SLC39A10: variants seen among roughly 807,000 people sequenced by gnomAD.
SLC39A10 encodes zinc transporter ZIP10.
Under a neutral mutation model 65.1 loss-of-function variants are expected in SLC39A10, and 13 were observed. That is an observed-to-expected ratio of 0.20 (90% CI 0.13 to 0.32). SLC39A10 has a LOEUF of 0.32. Among genes scored for constraint, SLC39A10 ranks in the 10% least tolerant of loss-of-function variants. The pLI, the probability that SLC39A10 is intolerant of heterozygous loss-of-function variation, is 1.00. For missense variants in SLC39A10, 831 were observed against 1,018.4 expected, an observed-to-expected ratio of 0.82 and a Z score of 2.50; for synonymous variants, 321 against 342.2, an observed-to-expected ratio of 0.94 and a Z score of 0.68.
At chr2:195,666,293 G>A (rs772451205) in intron 1 of SLC39A10, among the ~76,000 whole-genome samples, 3 of 152,122 alleles carry the variant, frequency 2.0e-5, no homozygotes, top group East Asian at 1.9e-4. Flanking sequence ...TTCCCATGAC[G>A]TCATGGAAAA....
At chr2:195,718,700 T>C (rs1691907184) in intron 8 of SLC39A10, among the ~76,000 whole-genome samples, 1 of 152,184 alleles carries the variant, frequency 6.6e-6, no homozygotes, top group African/African-American at 2.4e-5. Flanking sequence ...TTTAAAAGAA[T>C]CAGGGTAAAG....
chr2:195,693,978 C>T (rs1690843618), intron 3 of SLC39A10, among the ~76,000 whole-genome samples: 1 of 152,132 alleles, frequency 6.6e-6, no homozygotes, highest in Admixed American at 6.5e-5. Context: ...TGCTGTATCT[C>T]AGAAGTTTTG....
At chr2:195,641,174 A>C (rs1293285397) in intron 2 of SLC39A10, among the ~76,000 whole-genome samples, 1 of 152,216 alleles carries the variant, frequency 6.6e-6, no homozygotes, top group Non-Finnish European at 1.5e-5. Context: ...ATACATGTGT[A>C]AGTGTATAGG....
chr2:195,689,863 C>T (rs1178114460), intron 3 of SLC39A10, among the ~76,000 whole-genome samples: 1 of 152,158 alleles, frequency 6.6e-6, no homozygotes, highest in African/African-American at 2.4e-5. Context: ...CCTCAAGGTT[C>T]ATCCATGTTG....
At chr2:195,683,669 AT>A in intron 2 of SLC39A10, 29 bp from the exon 3 acceptor site, 1 of 1,557,462 alleles carries the variant, frequency 6.4e-7, no homozygotes, top group South Asian at 1.1e-5. Flanking sequence ...AGACACTCTT[AT>A]TTAATTTGTT....
At chr2:195,661,049 A>C (rs1220924152) in intron 1 of SLC39A10, among the ~76,000 whole-genome samples, 2 of 152,268 alleles carry the variant, frequency 1.3e-5, no homozygotes, top group East Asian at 3.9e-4. Flanking sequence ...TTTTATGTGA[A>C]TACTATAATG....
intron 8 of SLC39A10, among the ~76,000 whole-genome samples, chr2:195,724,891 A>T (rs1692179920): frequency 1.3e-5 from 2 of 152,140 alleles, no homozygotes; most frequent in African/African-American, 4.8e-5. Context: ...GATTTACTAT[A>T]AAGCCACCGT....
intron 5 of SLC39A10, 56 bp downstream of exon 5, chr2:195,708,900 C>A: frequency 7.7e-7 from 1 of 1,301,430 alleles, no homozygotes; most frequent in Non-Finnish European, 1.1e-6. Context: ...CAAAAATTAT[C>A]CTTTTCTGGG....
intron 2 of SLC39A10, among the ~76,000 whole-genome samples, chr2:195,623,901 C>CCA (rs67959883): frequency 0.056 from 7,943 of 142,890 alleles, 263 homozygotes; most frequent in African/African-American, 0.096. Context: ...AAACAAAAAA[C>CCA]CACACACACA....
At chr2:195,688,221 C>A (rs1690598785) in intron 3 of SLC39A10, among the ~76,000 whole-genome samples, 1 of 151,876 alleles carries the variant, frequency 6.6e-6, no homozygotes, top group African/African-American at 2.4e-5. Context: ...TTAAAAGATA[C>A]CTTTTGTTTA....
At chr2:195,631,616 A>T (rs1688587242) in intron 2 of SLC39A10, among the ~76,000 whole-genome samples, 1 of 152,198 alleles carries the variant, frequency 6.6e-6, no homozygotes, top group Non-Finnish European at 1.5e-5. Flanking sequence ...AAGTATTGGC[A>T]TTTACGCAAG....
chr2:195,730,490 C>T (rs375639282), intron 9 of SLC39A10, among the ~76,000 whole-genome samples: 34 of 152,316 alleles, frequency 2.2e-4, no homozygotes, highest in African/African-American at 7.9e-4. Flanking sequence ...CCATCACGCC[C>T]AGTCTTTTGT....
chr2:195,713,517 C>G lies in SLC39A10; in HGVS notation c.1660C>G (p.Pro554Ala). The G allele has an allele frequency of 6.3e-7, 1 of 1,581,182 alleles. No homozygotes were observed. The highest frequency in any genetic ancestry group is 8.5e-7 in the Non-Finnish European group (1 of 1,170,926). ...TTCAGATCACAAGTTAAACAATACA[C>G]CAGATTCTGACTGGCTTCAACTCAA... ...KLSDHKLNNT[P>A]DSDWLQLKPL... Residue 554 changes from proline to alanine, a missense_variant, in exon 6 of 10, where the codon CCA becomes GCA. Coordinates refer to ENST00000359634, the MANE Select transcript of SLC39A10 (RefSeq NM_020342.3).
In SLC39A10 at chr2:195,736,944, C is replaced by T. The variant is rs981121072; in HGVS notation, c.*1903C>T. 2 of 152,484 alleles carry T rather than the reference C, an allele frequency of 1.3e-5. No individual in the cohort carries two copies. The highest frequency in any genetic ancestry group is 4.8e-5 in the African/African-American group (2 of 41,388). 9.4% of individuals were successfully genotyped at this position (152,484 alleles called of 1,614,324 possible). On this transcript the variant is annotated 3_prime_UTR_variant, in exon 10 of 10. Coordinates refer to ENST00000359634, the MANE Select transcript of SLC39A10 (RefSeq NM_020342.3). ...TAGTTCACTTTTGGGTTTTTATACC[C>T]ACGGTAGGATTCTGCATTCCAGCAT... is the stretch of plus-strand genomic sequence containing the variant.
At chr2:195,642,123 T>C (rs556667187) in intron 2 of SLC39A10, among the ~76,000 whole-genome samples, 3 of 152,222 alleles carry the variant, frequency 2.0e-5, no homozygotes, top group Non-Finnish European at 4.4e-5. Flanking sequence ...GAAAGGTCTA[T>C]GCATGGGAGG....
At chr2:195,732,589 G>T (rs891211054) in intron 9 of SLC39A10, among the ~76,000 whole-genome samples, 1 of 152,178 alleles carries the variant, frequency 6.6e-6, no homozygotes, top group Non-Finnish European at 1.5e-5. Context: ...TGTAAAACAT[G>T]CTGCATATTG....
At chr2:195,631,961 TC>T (rs1284371374) in intron 2 of SLC39A10, among the ~76,000 whole-genome samples, 11 of 152,288 alleles carry the variant, frequency 7.2e-5, no homozygotes, top group Admixed American at 7.2e-4. Context: ...TGATCATGGC[TC>T]ACTGCTGCCT....
chr2:195,626,477 C>T (rs969599566), intron 2 of SLC39A10, among the ~76,000 whole-genome samples: 1 of 152,056 alleles, frequency 6.6e-6, no homozygotes, highest in East Asian at 1.9e-4. Flanking sequence ...CTTGATGGCT[C>T]TGTTCCTGAA....
intron 9 of SLC39A10, among the ~76,000 whole-genome samples, chr2:195,733,368 G>T (rs957776153): frequency 3.3e-5 from 5 of 152,122 alleles, no homozygotes; most frequent in Non-Finnish European, 5.9e-5. Context: ...GATTAGGTTT[G>T]GGTGGAAAGA....
Sources: gnomAD v4.1 joint callset for allele counts (sites outside exome capture counted in the v4.1 genomes callset) on GRCh38, gnomAD v4.1.1 for gene constraint, MANE v1.5 for transcripts, NCBI Gene and HGNC (gene_info 2026-07-23, HGNC 2026-07-21) for gene names.